PCDHGA5: variants seen among roughly 807,000 people sequenced by gnomAD.
PCDHGA5 encodes the protein protocadherin gamma-A5.
In PCDHGA5, 36 loss-of-function variants were observed where a neutral mutation model predicts 56.7. The ratio of observed to expected loss-of-function variants is 0.64; its 90% CI spans 0.49 to 0.84. The LOEUF (loss-of-function observed/expected upper bound fraction) is 0.84. PCDHGA5 is among the 40% of genes least tolerant of loss of function. The pLI is 0.00. For synonymous variants in PCDHGA5, 563 were observed against 520.2 expected, an observed-to-expected ratio of 1.08 and a Z score of -1.12; for missense variants, 1,305 against 1,201.5, an observed-to-expected ratio of 1.09 and a Z score of -1.27.
At chr5:141,435,214 A>C (rs1314928643) in intron 1 of PCDHGA5, among the ~76,000 whole-genome samples, 1 of 152,176 alleles carries the variant, frequency 6.6e-6, no homozygotes, top group Non-Finnish European at 1.5e-5. Flanking sequence ...AAGTGAATTT[A>C]CTTTCTTTCA....
chr5:141,447,329 G>A (rs1328071539), intron 1 of PCDHGA5, among the ~76,000 whole-genome samples: 6 of 151,732 alleles, frequency 4.0e-5, no homozygotes, highest in Admixed American at 1.3e-4. Context: ...TAGTAGAGAC[G>A]GGTTTCATCA....
chr5:141,399,106 T>C, intron 1 of PCDHGA5: 2 of 1,613,784 alleles, frequency 1.2e-6, no homozygotes, highest in Non-Finnish European at 1.7e-6. Context: ...GGTTGCACAA[T>C]GTACAGTTGA....
At chr5:141,419,789 G>A (rs758649709) in intron 1 of PCDHGA5, 2 of 1,614,068 alleles carry the variant, frequency 1.2e-6, no homozygotes, top group South Asian at 2.2e-5. Context: ...GCGCCTGCTA[G>A]TCGCTGTAAG....
Position 141,364,717 on chromosome 5 carries a change from C to G in PCDHGA5, c.387C>G (p.Asn129Lys). 6.2e-7 allele frequency: 1 copy of G among 1,613,970 alleles called. No individual in the cohort carries two copies. Among genetic ancestry groups the G allele is most frequent in the Non-Finnish European group, 8.5e-7 (1 of 1,179,866 alleles). ...TAGAAATAATCGATATTAATGATAA[C>G]TTCCCGCGTTTCCGGGATGAAGAGT... Reference protein sequence around the residue: ...VEVEIIDINDNFPRFRDEELK... With the variant: ...VEVEIIDINDKFPRFRDEELK... The change falls in exon 1 of 4, where the codon AAC becomes AAG. Residue 129 changes from asparagine (N) to lysine (K), a missense_variant. Physicochemically the swap from Asn to Lys is moderately conservative, Grantham distance 94 (BLOSUM62 0). Transcript: ENST00000518069.
chr5:141,408,870 G>A (rs780987841), intron 1 of PCDHGA5: 1 of 1,613,656 alleles, frequency 6.2e-7, no homozygotes, highest in South Asian at 1.1e-5. Context: ...CCACCAAGAA[G>A]TGCCACCGCT....
intron 1 of PCDHGA5, among the ~76,000 whole-genome samples, chr5:141,457,729 T>A (rs950979422): frequency 2.0e-5 from 3 of 152,236 alleles, no homozygotes; most frequent in Non-Finnish European, 4.4e-5. Context: ...GAATTTCAGA[T>A]TAGACTTTTA....
chr5:141,412,416 G>A (rs897228706), intron 1 of PCDHGA5: 1 of 152,162 alleles, frequency 6.6e-6, no homozygotes, highest in Non-Finnish European at 1.5e-5. Flanking sequence ...GATAAAGTAT[G>A]TTTTACACAA....
intron 2 of PCDHGA5, among the ~76,000 whole-genome samples, chr5:141,504,788 TC>T (rs1235410120): frequency 6.6e-6 from 1 of 152,070 alleles, no homozygotes; most frequent in Non-Finnish European, 1.5e-5. Context: ...TCTTGGGGCC[TC>T]CTACATCTCC....
Position 141,489,764 on chromosome 5 carries a change from A to G in PCDHGA5, c.2422-5043A>G. ...GTGAGCTTTTACACTCTAAGCCCCA[A>G]CAGCCACTTCTCTCTGAATGTGAAG... is the stretch of plus-strand genomic sequence containing the variant. On this transcript the variant is annotated intron_variant, in intron 1 of 3. Transcript: ENST00000518069. The surrounding 1 kb of genome is among the most constrained non-coding windows in gnomAD (Gnocchi z 4.5). 2 of 1,613,556 alleles carry G rather than the reference A, an allele frequency of 1.2e-6. No homozygotes were observed. The highest frequency in any genetic ancestry group is 1.7e-6 in the Non-Finnish European group (2 of 1,179,894).
At chr5:141,421,829 T>G in intron 1 of PCDHGA5, 5 of 1,613,784 alleles carry the variant, frequency 3.1e-6, no homozygotes, top group Non-Finnish European at 4.2e-6. Context: ...GAGGGAAGCC[T>G]GGACCGAGAG....
Position 141,400,079 on chromosome 5 carries a change from C to G in PCDHGA5, c.2421+33328C>G, listed in dbSNP as rs1377742612. On this transcript the variant is annotated intron_variant, in intron 1 of 3. Coordinates refer to ENST00000518069, the MANE Select transcript of PCDHGA5 (RefSeq NM_018918.3). ...CGTGATGGTGGACAGCCGCCACTCT[C>G]CGCCACCGCCACGCTGCACTTGGTC... 2.5e-6 allele frequency: 4 copies of G among 1,613,924 alleles called. No individual in the cohort carries two copies. In the East Asian group the frequency reaches 6.7e-5, roughly 27 times the overall value.
intron 1 of PCDHGA5, among the ~76,000 whole-genome samples, chr5:141,437,842 A>G (rs1372385076): frequency 2.0e-5 from 3 of 150,650 alleles, no homozygotes; most frequent in East Asian, 3.9e-4. Context: ...GGTTCATGCT[A>G]TTCTCCTGCC....
chr5:141,368,854 T>C (rs1426770284), intron 1 of PCDHGA5, among the ~76,000 whole-genome samples: 1 of 152,192 alleles, frequency 6.6e-6, no homozygotes, highest in Non-Finnish European at 1.5e-5. Context: ...GCACTTGCTT[T>C]GGAATGTTTT....
chr5:141,393,155 A>G (rs1158641344), intron 1 of PCDHGA5: 1 of 1,613,328 alleles, frequency 6.2e-7, no homozygotes, highest in Non-Finnish European at 8.5e-7. Flanking sequence ...AGGATAAAGG[A>G]AAACTCTTTG....
chr5:141,394,317 T>C, intron 1 of PCDHGA5: 1 of 1,613,972 alleles, frequency 6.2e-7, no homozygotes, highest in Non-Finnish European at 8.5e-7. Flanking sequence ...GGCGCCCCTG[T>C]CCTCGTATAT....
chr5:141,488,837 C>A (rs550655328), intron 1 of PCDHGA5, among the ~76,000 whole-genome samples: 1 of 152,280 alleles, frequency 6.6e-6, no homozygotes, highest in African/African-American at 2.4e-5. Context: ...GCCAAGGGGG[C>A]TGAATCAACC....
intron 1 of PCDHGA5, chr5:141,418,003 G>T (rs1441842557): frequency 6.2e-7 from 1 of 1,613,798 alleles, no homozygotes; most frequent in Non-Finnish European, 8.5e-7. Context: ...CGGTGGTGGG[G>T]AACCTCGCTA....
chr5:141,498,726 G>T (rs2099785379), intron 2 of PCDHGA5, among the ~76,000 whole-genome samples: 1 of 152,172 alleles, frequency 6.6e-6, no homozygotes, highest in Admixed American at 6.5e-5. Context: ...GAGGTCAGGA[G>T]TTTGAGACCA....
rs1248714579 is a variant in PCDHGA5 at position 141,489,513 on chromosome 5, C to A, written c.2422-5294C>A. The A allele has an allele frequency of 6.2e-7, 1 of 1,614,000 alleles. No homozygotes were observed. Among genetic ancestry groups the A allele is most frequent in the African/African-American group, 1.3e-5 (1 of 74,918 alleles). ...CCCTGGCAGTGAATCAAAAGATTGACCGAGAAAGCCTATGTGGAGCCAGCA... is the reference window on the plus strand; with the variant it reads ...CCCTGGCAGTGAATCAAAAGATTGAACGAGAAAGCCTATGTGGAGCCAGCA... On this transcript the variant is annotated intron_variant, in intron 1 of 3. Coordinates refer to ENST00000518069, the MANE Select transcript of PCDHGA5 (RefSeq NM_018918.3). The surrounding 1 kb of genome is among the most constrained non-coding windows in gnomAD (Gnocchi z 4.5).
Sources: gnomAD v4.1 joint callset for allele counts (sites outside exome capture counted in the v4.1 genomes callset) on GRCh38, gnomAD v4.1.1 for gene constraint, Gnocchi (gnomAD v3.1) non-coding constraint, MANE v1.5 for transcripts, NCBI Gene and HGNC (gene_info 2026-07-23, HGNC 2026-07-21) for gene names.